The following YES1 variants were observed in gnomAD, a reference collection of about 807,000 sequenced individuals.
YES1 encodes the protein YES proto-oncogene 1, Src family tyrosine kinase.
Under a neutral mutation model 70.4 loss-of-function variants are expected in YES1, and 39 were observed. That is an observed-to-expected ratio of 0.55 (90% CI 0.43 to 0.72). The LOEUF (loss-of-function observed/expected upper bound fraction) is 0.72, where lower values mean the gene tolerates loss of function less well. Among genes scored for constraint, YES1 ranks in the 30% least tolerant of loss-of-function variants. The probability of loss-of-function intolerance (pLI) is 0.00; values close to 1 mark genes in which losing one functional copy is unlikely to be tolerated. For missense variants in YES1, 495 were observed against 644.8 expected (o/e 0.77, Z 2.52); for synonymous variants, 198 against 218.6 (o/e 0.91, Z 0.83).
chr18:792,432 C>A (rs1003550434), intron 1 of YES1, among the ~76,000 whole-genome samples: 3 of 152,116 alleles, frequency 2.0e-5, no homozygotes, highest in Admixed American at 6.5e-5. Context: ...ACTCTGGAGG[C>A]TGAGGCAGGA....
At chr18:791,646 CAGAA>C (rs978389451) in intron 1 of YES1, among the ~76,000 whole-genome samples, 5 of 152,116 alleles carry the variant, frequency 3.3e-5, no homozygotes, top group Admixed American at 1.3e-4. Context: ...AAACATAAAA[CAGAA>C]AGAGATTAAT....
intron 3 of YES1, among the ~76,000 whole-genome samples, chr18:748,594 G>C (rs2080307068): frequency 6.6e-6 from 1 of 151,944 alleles, no homozygotes; most frequent in Non-Finnish European, 1.5e-5. Context: ...CTGTCTCTAT[G>C]GATATGCCCA....
intron 1 of YES1, among the ~76,000 whole-genome samples, chr18:794,464 T>A: frequency 6.6e-6 from 1 of 152,230 alleles, no homozygotes; most frequent in South Asian, 2.1e-4. Flanking sequence ...GGATTTTTGT[T>A]ATAAAGAATA....
At chr18:795,317 G>A (rs897882429) in intron 1 of YES1, among the ~76,000 whole-genome samples, 2 of 152,112 alleles carry the variant, frequency 1.3e-5, no homozygotes, top group African/African-American at 4.8e-5. Flanking sequence ...GGTGGTGGTG[G>A]GGACACGTAT....
rs772827942 is a variant in YES1, at chr18:756,800, T to C, written c.28A>G (p.Lys10Glu). The C allele has an allele frequency of 1.4e-5, 22 of 1,614,092 alleles. No homozygotes were observed. In the South Asian group the frequency reaches 2.4e-4, roughly 18 times the overall value. The change falls in exon 2 of 12, where the codon AAA (lysine) becomes GAA (glutamate). Residue 10 changes from lysine to glutamate, a missense_variant. Coordinates refer to ENST00000314574, the MANE Select transcript of YES1 (RefSeq NM_005433.4). ...GGTCTGTATTTAATGGCTGGACTTTTGTTTTCTTTACTTTTAATGCAGCCC... is the reference window on the plus strand; with the variant it reads ...GGTCTGTATTTAATGGCTGGACTTTCGTTTTCTTTACTTTTAATGCAGCCC... MGCIKSKENKSPAIKYRPEN... is the reference protein window; with the variant it reads MGCIKSKENESPAIKYRPEN...
At chr18:750,591 G>T (rs964353404) in intron 3 of YES1, among the ~76,000 whole-genome samples, 2 of 152,134 alleles carry the variant, frequency 1.3e-5, no homozygotes, top group African/African-American at 4.8e-5. Context: ...AGAACCATTG[G>T]TCTAAAAGAA....
At chr18:728,861 A>G (rs1304799393) in intron 11 of YES1, among the ~76,000 whole-genome samples, 1 of 152,138 alleles carries the variant, frequency 6.6e-6, no homozygotes, top group Non-Finnish European at 1.5e-5. Context: ...CTCAATCTGC[A>G]CCACCTCCTT....
intron 1 of YES1, among the ~76,000 whole-genome samples, chr18:793,667 G>A (rs11664455): frequency 0.079 from 12,017 of 152,118 alleles, 710 homozygotes; most frequent in Admixed American, 0.2. Flanking sequence ...AAAAGTAAGA[G>A]AATTAACTGA....
At chr18:732,078 G>T (rs903839734) in intron 11 of YES1, among the ~76,000 whole-genome samples, 1 of 151,398 alleles carries the variant, frequency 6.6e-6, no homozygotes, top group Non-Finnish European at 1.5e-5. Flanking sequence ...AAATAGGTTA[G>T]AGAAATAAAA....
At chr18:749,292 G>A (rs1281451328) in intron 3 of YES1, among the ~76,000 whole-genome samples, 5 of 151,808 alleles carry the variant, frequency 3.3e-5, no homozygotes, top group Non-Finnish European at 7.4e-5. Flanking sequence ...TCAGGAGTTC[G>A]TGACCAGCCT....
At chr18:740,990 C>T (rs1013827805) in intron 8 of YES1, among the ~76,000 whole-genome samples, 1 of 152,158 alleles carries the variant, frequency 6.6e-6, no homozygotes, top group African/African-American at 2.4e-5. Flanking sequence ...CTCTGCCTCC[C>T]TAGCTCAAGC....
chr18:733,627 C>CA (rs1207751629), intron 10 of YES1, among the ~76,000 whole-genome samples: 18 of 151,512 alleles, frequency 1.2e-4, no homozygotes, highest in Non-Finnish European at 1.5e-5. Flanking sequence ...ACCAAAAATA[C>CA]AAAAAATTAG....
intron 1 of YES1, among the ~76,000 whole-genome samples, chr18:792,495 A>G (rs1048243294): frequency 1.3e-5 from 2 of 151,362 alleles, no homozygotes; most frequent in African/African-American, 4.9e-5. Flanking sequence ...GAATAGCACT[A>G]TACTCCAGCC....
chr18:757,385 C>T (rs974976593), intron 1 of YES1, among the ~76,000 whole-genome samples: 1 of 151,964 alleles, frequency 6.6e-6, no homozygotes, highest in Non-Finnish European at 1.5e-5. Flanking sequence ...CGCCTGTAGT[C>T]CCAGCTACTC....
chr18:749,165 A>C (rs937091559), intron 3 of YES1, among the ~76,000 whole-genome samples: 2 of 151,998 alleles, frequency 1.3e-5, no homozygotes, highest in Non-Finnish European at 2.9e-5. Context: ...CATCTAAAAA[A>C]AACAAAGAAA....
At chr18:796,816 C>T (rs917538556) in intron 1 of YES1, among the ~76,000 whole-genome samples, 3 of 151,776 alleles carry the variant, frequency 2.0e-5, no homozygotes, top group African/African-American at 7.3e-5. Flanking sequence ...CAGAAACAGG[C>T]CCAAGAGTAA....
intron 9 of YES1, chr18:737,978 T>C (rs538534034): frequency 1.3e-5 from 2 of 152,214 alleles, no homozygotes; most frequent in East Asian, 1.9e-4. Context: ...GCCTGGTTTT[T>C]ACATTTTTAA....
intron 1 of YES1, among the ~76,000 whole-genome samples, chr18:773,738 C>A (rs767144855): frequency 6.6e-6 from 1 of 152,158 alleles, no homozygotes; most frequent in Non-Finnish European, 1.5e-5. Flanking sequence ...ATGTTTCTCG[C>A]ATTCACTTAA....
chr18:739,939 G>C (rs2080198311), intron 8 of YES1, 128 bp from the exon 9 acceptor site: 1 of 709,264 alleles, frequency 1.4e-6, no homozygotes. Context: ...ATTTTGTGCA[G>C]TTTTGCAGTT....
Sources: allele counts gnomAD v4.1 joint callset (sites outside exome capture counted in the v4.1 genomes callset), GRCh38; gene constraint gnomAD v4.1.1; transcripts MANE v1.5; gene names NCBI Gene and HGNC (gene_info 2026-07-23, HGNC 2026-07-21).